TDRP: variants seen among roughly 807,000 people sequenced by gnomAD.
TDRP encodes the protein testis development-related protein.
A neutral mutation model predicts 10.5 loss-of-function variants in TDRP; 12 were observed. That is an observed-to-expected ratio of 1.15 (90% CI 0.73 to 1.86). The LOEUF (loss-of-function observed/expected upper bound fraction) is 1.86. TDRP is among the 40% of genes most tolerant of loss of function. The probability of loss-of-function intolerance (pLI) is 0.00; values close to 1 mark genes in which losing one functional copy is unlikely to be tolerated. For synonymous variants in TDRP, 139 were observed against 95.4 expected (o/e 1.46, Z -2.67); for missense variants, 353 against 229.2 (o/e 1.54, Z -3.49).
rs528649628 is a variant in TDRP at position 495,225 on chromosome 8, C to A, written c.109-628G>T. 3.3e-5 allele frequency among the ~76,000 whole-genome samples: 5 copies of A among 152,162 alleles called. No homozygotes were observed. In the South Asian group the frequency reaches 1.0e-3, roughly 32 times the overall value. ...CTCCAGGCTGGGCAACAGAGCAAGA[C>A]CCCATCTCAAAAAACAAACAACAGC... On this transcript the variant is annotated intron_variant, in intron 1 of 2. Coordinates refer to ENST00000324079, the MANE Select transcript of TDRP (RefSeq NM_001384899.1).
At chr8:531,362 T>C (rs982579399) in intron 1 of TDRP, among the ~76,000 whole-genome samples, 5 of 152,172 alleles carry the variant, frequency 3.3e-5, no homozygotes, top group Non-Finnish European at 4.4e-5. Flanking sequence ...AGACATTTTA[T>C]GTGGAGTGGC....
In TDRP at chr8:492,759, A is replaced by G; in HGVS notation, c.213-15T>C. ...GTAAGTTAGTTCTATAGGAGATGAA[A>G]GAGTTAGGTGTTGGTGACCCAGGTC... On this transcript the variant is annotated splice_polypyrimidine_tract_variant and intron_variant, in intron 2 of 2. Coordinates refer to ENST00000324079, the MANE Select transcript of TDRP (RefSeq NM_001384899.1). The G allele has an allele frequency of 1.9e-6, 3 of 1,573,460 alleles. No homozygotes were observed. Among genetic ancestry groups the G allele is most frequent in the Non-Finnish European group, 2.6e-6 (3 of 1,157,614 alleles).
chr8:514,122 G>A (rs576422736), intron 1 of TDRP, among the ~76,000 whole-genome samples: 14 of 152,128 alleles, frequency 9.2e-5, no homozygotes, highest in Non-Finnish European at 5.9e-5. Flanking sequence ...AATAACAGGG[G>A]ATTCAAGCCA....
intron 1 of TDRP, among the ~76,000 whole-genome samples, chr8:510,802 A>G (rs2116780634): frequency 6.6e-6 from 1 of 152,336 alleles, no homozygotes; most frequent in Middle Eastern, 3.4e-3. Context: ...AACAAAGTGC[A>G]CCGGTAATGG....
chr8:540,214 A>G (rs917066596), intron 1 of TDRP, among the ~76,000 whole-genome samples: 6 of 152,344 alleles, frequency 3.9e-5, no homozygotes, highest in East Asian at 1.9e-4. Flanking sequence ...AAGAGGCCCA[A>G]TGAAATAAAT....
At chr8:526,416 T>A (rs1175456883) in intron 1 of TDRP, among the ~76,000 whole-genome samples, 1 of 152,196 alleles carries the variant, frequency 6.6e-6, no homozygotes, top group Non-Finnish European at 1.5e-5. Flanking sequence ...AGCGTTCTTA[T>A]TATGAAGAGA....
At chr8:501,689 A>T (rs79836836) in intron 1 of TDRP, among the ~76,000 whole-genome samples, 1 of 152,242 alleles carries the variant, frequency 6.6e-6, no homozygotes, top group Non-Finnish European at 1.5e-5. Context: ...GTCATAGGTC[A>T]GGAAAAATTA....
At chr8:525,749 GGAAGGAAA>G (rs1802019414) in intron 1 of TDRP, among the ~76,000 whole-genome samples, 1 of 152,102 alleles carries the variant, frequency 6.6e-6, no homozygotes, top group Non-Finnish European at 1.5e-5. Flanking sequence ...CCGACGGGAA[GGAAGGAAA>G]GAAGAAAAGA....
chr8:494,548 T>A lies in TDRP; in HGVS notation c.158A>T (p.Asn53Ile), dbSNP rs547405291. ...CAGGAGATGCTGCTCATCATCTTTG[T>A]TAAACAGTGAAGTCACTTCTTTCCA... ...RGWKEVTSLF[N>I]KDDEQHLLER... Residue 53 changes from asparagine (N) to isoleucine (I), a missense_variant, in exon 2 of 3, where the codon AAC (asparagine) becomes ATC (isoleucine). Physicochemically the swap from Asn to Ile is moderately radical, Grantham distance 149. Coordinates refer to ENST00000324079, the MANE Select transcript of TDRP (RefSeq NM_001384899.1). 3.1e-6 allele frequency: 5 copies of A among 1,614,008 alleles called. No individual in the cohort carries two copies. The South Asian group carries it at 5.5e-5, about 18-fold the overall frequency.
At chr8:506,819 T>C (rs562225123) in intron 1 of TDRP, among the ~76,000 whole-genome samples, 7 of 152,260 alleles carry the variant, frequency 4.6e-5, no homozygotes, top group African/African-American at 1.7e-4. Context: ...AAAATCTCTT[T>C]CCAAAGGAGC....
At chr8:494,804 C>T (rs1476200729) in intron 1 of TDRP, among the ~76,000 whole-genome samples, 1 of 152,300 alleles carries the variant, frequency 6.6e-6, no homozygotes, top group East Asian at 1.9e-4. Flanking sequence ...AACAGCTTAA[C>T]AGCTTATCAG....
chr8:524,400 T>A (rs112269103), intron 1 of TDRP, among the ~76,000 whole-genome samples: 1 of 152,034 alleles, frequency 6.6e-6, no homozygotes, highest in African/African-American at 2.4e-5. Flanking sequence ...CACACGAACA[T>A]CCACAAGAAT....
chr8:512,971 C>CA (rs34201826), intron 1 of TDRP, among the ~76,000 whole-genome samples: 23 of 147,198 alleles, frequency 1.6e-4, no homozygotes, highest in Non-Finnish European at 3.2e-4. Context: ...GATTTCACCT[C>CA]AAAAAAAAAA....
chr8:512,414 A>T (rs1256711261), intron 1 of TDRP, among the ~76,000 whole-genome samples: 2 of 152,062 alleles, frequency 1.3e-5, no homozygotes, highest in Admixed American at 6.6e-5. Flanking sequence ...GCCTGGCAAC[A>T]GAGCAAGACT....
intron 1 of TDRP, among the ~76,000 whole-genome samples, chr8:544,038 G>A (rs904227938): frequency 6.6e-6 from 1 of 152,120 alleles, no homozygotes; most frequent in Non-Finnish European, 1.5e-5. Context: ...CACTCGTCAG[G>A]TAAAGGCCTT....
chr8:529,051 C>A (rs750040623), intron 1 of TDRP, among the ~76,000 whole-genome samples: 25 of 152,254 alleles, frequency 1.6e-4, no homozygotes, highest in Admixed American at 3.9e-4. Flanking sequence ...CCAGTCTAGC[C>A]TTTTCATGTT....
chr8:530,974 G>A (rs1802175809), intron 1 of TDRP, among the ~76,000 whole-genome samples: 2 of 152,064 alleles, frequency 1.3e-5, no homozygotes, highest in Non-Finnish European at 2.9e-5. Context: ...TTTCTCTGAA[G>A]CCCCCAGGCA....
At chr8:520,226 T>C (rs551714162) in intron 1 of TDRP, among the ~76,000 whole-genome samples, 1 of 152,360 alleles carries the variant, frequency 6.6e-6, no homozygotes, top group Admixed American at 6.5e-5. Flanking sequence ...TGTGCCTCGC[T>C]TATTTCATGA....
intron 1 of TDRP, among the ~76,000 whole-genome samples, chr8:506,019 G>C (rs1457509279): frequency 6.6e-6 from 1 of 152,144 alleles, no homozygotes; most frequent in Admixed American, 6.5e-5. Context: ...CCTAATGGCT[G>C]GGGGTCTGGG....
Sources: allele counts gnomAD v4.1 joint callset (sites outside exome capture counted in the v4.1 genomes callset), GRCh38; gene constraint gnomAD v4.1.1; transcripts MANE v1.5; gene names NCBI Gene and HGNC (gene_info 2026-07-23, HGNC 2026-07-21).